MAGI2: variants seen among roughly 807,000 people sequenced by gnomAD.
MAGI2 encodes the protein membrane-associated guanylate kinase, WW and PDZ domain-containing protein 2.
MAGI2 carries 35 observed loss-of-function variants against 133.3 expected under a neutral mutation model. The observed-to-expected ratio is 0.26, with a 90% CI of 0.20 to 0.35. The LOEUF (loss-of-function observed/expected upper bound fraction) is 0.35, where lower values mean the gene tolerates loss of function less well. Among genes scored for constraint, MAGI2 ranks in the 10% least tolerant of loss-of-function variants. The pLI is 1.00. For synonymous variants in MAGI2, 729 were observed against 710.6 expected, an observed-to-expected ratio of 1.03 and a Z score of -0.41; for missense variants, 1,636 against 1,863.4, an observed-to-expected ratio of 0.88 and a Z score of 2.25.
chr7:78,601,003 A>T (rs6972639), intron 3 of MAGI2, among the ~76,000 whole-genome samples: 38,355 of 152,196 alleles, frequency 0.25, 5,775 homozygotes, highest in Middle Eastern at 0.39. Context: ...ACTTTTAAAA[A>T]TATGTTATTT....
chr7:78,941,728 T>TCTCACACACACA (rs1307777961), intron 2 of MAGI2, among the ~76,000 whole-genome samples: 9 of 123,462 alleles, frequency 7.3e-5, no homozygotes, highest in African/African-American at 2.4e-4. Flanking sequence ...GCCTATTTCA[T>TCTCACACACACA]CACACACACA....
chr7:78,715,735 G>A (rs181099079), intron 2 of MAGI2, among the ~76,000 whole-genome samples: 1 of 151,280 alleles, frequency 6.6e-6, no homozygotes, highest in East Asian at 1.9e-4. Context: ...TAGATAATAA[G>A]AACATATTGT....
intron 6 of MAGI2, among the ~76,000 whole-genome samples, chr7:78,444,362 A>C (rs1787920772): frequency 1.3e-5 from 2 of 152,208 alleles, no homozygotes; most frequent in South Asian, 4.1e-4. Flanking sequence ...ATTTTGGTCC[A>C]TCAGTAGGTC....
At chr7:79,121,999 G>A (rs1819944530) in intron 1 of MAGI2, among the ~76,000 whole-genome samples, 1 of 151,986 alleles carries the variant, frequency 6.6e-6, no homozygotes, top group South Asian at 2.1e-4. Flanking sequence ...ATATCACTTT[G>A]TATTCCCACA....
At chr7:78,089,966 G>T (rs1817021645) in intron 20 of MAGI2, among the ~76,000 whole-genome samples, 1 of 152,134 alleles carries the variant, frequency 6.6e-6, no homozygotes, top group African/African-American at 2.4e-5. Flanking sequence ...GTGACCTTCT[G>T]GCTTATCACC....
At chr7:78,282,244 C>T (rs1795683348) in intron 9 of MAGI2, among the ~76,000 whole-genome samples, 1 of 151,990 alleles carries the variant, frequency 6.6e-6, no homozygotes, top group African/African-American at 2.4e-5. Context: ...CTTGATTTTC[C>T]CTGTCCTGGT....
At chr7:78,380,216 C>T (rs531998350) in intron 6 of MAGI2, among the ~76,000 whole-genome samples, 17 of 151,528 alleles carry the variant, frequency 1.1e-4, no homozygotes, top group Non-Finnish European at 2.2e-4. Flanking sequence ...TAGACTATTT[C>T]TTTTTTTAAA....
intron 21 of MAGI2, among the ~76,000 whole-genome samples, chr7:78,036,146 G>A (rs1297241187): frequency 2.0e-5 from 3 of 152,090 alleles, no homozygotes; most frequent in Non-Finnish European, 4.4e-5. Flanking sequence ...TTCCACTTCA[G>A]TAGCTGACTT....
At chr7:79,072,431 T>G (rs1264669033) in intron 1 of MAGI2, among the ~76,000 whole-genome samples, 1 of 152,180 alleles carries the variant, frequency 6.6e-6, no homozygotes, top group Non-Finnish European at 1.5e-5. Context: ...GAACTACCCT[T>G]CAATTTATTT....
intron 3 of MAGI2, among the ~76,000 whole-genome samples, chr7:78,574,720 T>A (rs74955933): frequency 0.011 from 1,607 of 152,310 alleles, 24 homozygotes; most frequent in African/African-American, 0.037. Flanking sequence ...AGAATTATAG[T>A]CCTCACCACA....
At chr7:78,021,793 C>T (rs1808418587) in intron 21 of MAGI2, among the ~76,000 whole-genome samples, 1 of 152,112 alleles carries the variant, frequency 6.6e-6, no homozygotes, top group Non-Finnish European at 1.5e-5. Context: ...TGATTTTGGA[C>T]CAACAACTAA....
intron 3 of MAGI2, among the ~76,000 whole-genome samples, chr7:78,524,927 A>C (rs1796822557): frequency 6.7e-6 from 1 of 148,182 alleles, no homozygotes; most frequent in Non-Finnish European, 1.5e-5. Context: ...CATAGTACTA[A>C]GCAAAATGGA....
intron 2 of MAGI2, among the ~76,000 whole-genome samples, chr7:78,687,556 G>A (rs1162233235): frequency 6.6e-6 from 1 of 152,164 alleles, no homozygotes; most frequent in Non-Finnish European, 1.5e-5. Flanking sequence ...TTTGTCCAAT[G>A]TGTAGCACAG....
intron 3 of MAGI2, among the ~76,000 whole-genome samples, chr7:78,534,149 A>G (rs1381478583): frequency 6.6e-6 from 1 of 152,234 alleles, no homozygotes; most frequent in African/African-American, 2.4e-5. Flanking sequence ...GGAGATAAAT[A>G]TTAATCAAAA....
intron 2 of MAGI2, among the ~76,000 whole-genome samples, chr7:78,664,063 T>C (rs10229284): frequency 1.3e-5 from 2 of 152,184 alleles, no homozygotes; most frequent in Non-Finnish European, 2.9e-5. Context: ...CTGTAGCAAC[T>C]GGAGAACAAA....
At chr7:79,016,804 A>G (rs1339198758) in intron 1 of MAGI2, among the ~76,000 whole-genome samples, 1 of 152,116 alleles carries the variant, frequency 6.6e-6, no homozygotes, top group African/African-American at 2.4e-5. Flanking sequence ...CTATGCCAAT[A>G]TTGCCACTGG....
Position 79,221,029 on chromosome 7 carries a change from G to A in MAGI2, c.302-213823C>T, listed in dbSNP as rs150124328. Among the ~76,000 whole-genome samples, 58 of 152,050 alleles carry A rather than the reference G, an allele frequency of 3.8e-4. No individual in the cohort carries two copies. The East Asian group carries it at 0.011, about 28-fold the overall frequency. On this transcript the variant is annotated intron_variant, in intron 1 of 21. Transcript: ENST00000354212. ...TAGTATGAAAAACCTGAGAGGAAGA[G>A]CAATACCACGTGCACCTGATGGTAG...
chr7:78,590,701 T>G (rs1383829361), intron 3 of MAGI2, among the ~76,000 whole-genome samples: 2 of 152,176 alleles, frequency 1.3e-5, no homozygotes, highest in Admixed American at 1.3e-4. Context: ...TTACCTTTTC[T>G]CTCTTTCCTC....
chr7:79,104,720 G>GA (rs1252189610), intron 1 of MAGI2, among the ~76,000 whole-genome samples: 5 of 151,576 alleles, frequency 3.3e-5, no homozygotes, highest in Non-Finnish European at 5.9e-5. Context: ...GAAAAGAAAA[G>GA]AAAAAAAGGC....
Sources: allele counts gnomAD v4.1 joint callset (sites outside exome capture counted in the v4.1 genomes callset), GRCh38; gene constraint gnomAD v4.1.1; transcripts MANE v1.5; gene names NCBI Gene and HGNC (gene_info 2026-07-23, HGNC 2026-07-21).